JADE3: variants seen among roughly 807,000 people sequenced by gnomAD.
The protein encoded by JADE3 is jade family PHD finger 3, also known as protein Jade-3.
Under a neutral mutation model 50.1 loss-of-function variants are expected in JADE3, and 2 were observed. That is an observed-to-expected ratio of 0.04 (90% CI 0.02 to 0.13). The LOEUF (loss-of-function observed/expected upper bound fraction) is 0.13, where lower values mean the gene tolerates loss of function less well. JADE3 is among the 10% of genes least tolerant of loss of function. The probability of loss-of-function intolerance (pLI) is 1.00; values close to 1 mark genes in which losing one functional copy is unlikely to be tolerated. For missense variants in JADE3, 475 were observed against 634.4 expected (o/e 0.75, Z 2.70); for synonymous variants, 218 against 232.9 (o/e 0.94, Z 0.58).
chrX:47,002,188 T>A (rs1445233951), intron 4 of JADE3, among the ~76,000 whole-genome samples: 1 of 111,363 alleles, frequency 9.0e-6, no homozygotes, highest in East Asian at 2.8e-4. Context: ...TTCACTTAGC[T>A]CTATGTCTCA....
At chrX:46,957,139 A>T (rs782731147) in intron 1 of JADE3, among the ~76,000 whole-genome samples, 2 of 111,329 alleles carry the variant, frequency 1.8e-5, no homozygotes, top group Non-Finnish European at 3.8e-5. Context: ...GGACTAAAAC[A>T]TTACAGAAAT....
chrX:46,938,940 G>A (rs1384098563), intron 1 of JADE3, among the ~76,000 whole-genome samples: 2 of 112,331 alleles, frequency 1.8e-5, no homozygotes, highest in Non-Finnish European at 3.8e-5. Context: ...TGATTCTCCT[G>A]TCTCTGCCTC....
chrX:47,042,354 G>T (rs1602420250), intron 8 of JADE3, among the ~76,000 whole-genome samples: 1 of 111,528 alleles, frequency 9.0e-6, no homozygotes. Flanking sequence ...AGTTTTATCT[G>T]CCCTAGTAGA....
intron 6 of JADE3, among the ~76,000 whole-genome samples, chrX:47,030,500 T>C (rs978713931): frequency 9.0e-5 from 10 of 111,730 alleles, no homozygotes; most frequent in African/African-American, 2.9e-4. Flanking sequence ...TCTAAAGAGA[T>C]ACTTGGCTTA....
chrX:47,012,436 C>T (rs1310568120), intron 4 of JADE3, among the ~76,000 whole-genome samples: 1 of 110,537 alleles, frequency 9.0e-6, no homozygotes, highest in Non-Finnish European at 1.9e-5. Flanking sequence ...AAAAAATTAG[C>T]TAGCCATGGT....
At chrX:46,997,687 A>G (rs1381902627) in intron 3 of JADE3, among the ~76,000 whole-genome samples, 1 of 112,196 alleles carries the variant, frequency 8.9e-6, no homozygotes, top group African/African-American at 3.2e-5. Context: ...AACTAAGTGA[A>G]GGATATATGG....
At chrX:46,935,189 C>T (rs1313911729) in intron 1 of JADE3, among the ~76,000 whole-genome samples, 1 of 111,903 alleles carries the variant, frequency 8.9e-6, no homozygotes, top group African/African-American at 3.3e-5. Context: ...CTGCTTCAAC[C>T]TCCCAAAGTG....
chrX:46,997,768 G>A (rs570616518), intron 3 of JADE3, among the ~76,000 whole-genome samples: 1 of 111,931 alleles, frequency 8.9e-6, no homozygotes, highest in South Asian at 3.7e-4. Context: ...ATGAAATGAT[G>A]CCCAAATAAT....
intron 1 of JADE3, among the ~76,000 whole-genome samples, chrX:46,929,082 G>A (rs1219547920): frequency 8.9e-6 from 1 of 111,956 alleles, no homozygotes; most frequent in Non-Finnish European, 1.9e-5. Flanking sequence ...GTAGATTGCA[G>A]ACAGCTCTTC....
Position 47,000,946 on chromosome X carries a change from T to A in JADE3, c.284+2669T>A, listed in dbSNP as rs185222070. 5.3e-3 allele frequency among the ~76,000 whole-genome samples: 598 copies of A among 112,155 alleles called. 2 individuals are homozygous for A. Among genetic ancestry groups the A allele is most frequent in the South Asian group, 0.024 (65 of 2,708 alleles). ...ATTCATGTGTGGCTTCAGTGCTCTA[T>A]TATTTGTTCCGAGGGCTTCACATAT... On this transcript the variant is annotated intron_variant, in intron 4 of 10. Transcript: ENST00000614628.
chrX:46,979,397 A>G (rs1319529865), intron 1 of JADE3, among the ~76,000 whole-genome samples: 9 of 111,741 alleles, frequency 8.1e-5, no homozygotes, highest in East Asian at 5.6e-4. Context: ...GTCTTCTGAA[A>G]CTCTCAGGGA....
intron 1 of JADE3, among the ~76,000 whole-genome samples, chrX:46,939,935 C>T (rs1926716941): frequency 8.9e-6 from 1 of 111,972 alleles, no homozygotes; most frequent in South Asian, 3.7e-4. Flanking sequence ...TTTCAGTGTC[C>T]ATAAGTCAAA....
chrX:46,974,419 T>C (rs1450103829), intron 1 of JADE3, among the ~76,000 whole-genome samples: 4 of 110,133 alleles, frequency 3.6e-5, no homozygotes, highest in Non-Finnish European at 3.8e-5. Flanking sequence ...AAAAAAAGTT[T>C]GGGAGGTTCT....
chrX:47,030,242 G>A lies in JADE3; in HGVS notation c.687+2139G>A, dbSNP rs782781149. Among the ~76,000 whole-genome samples, 3 of 111,469 alleles carry A rather than the reference G, an allele frequency of 2.7e-5. No homozygotes were observed. The South Asian group carries it at 1.1e-3, about 42-fold the overall frequency. ...TGTCCTTTACAGTTGGGACAAAATAGTAAGTATTCTCAGGTTCTTTAACAA... is the reference window on the plus strand; with the variant it reads ...TGTCCTTTACAGTTGGGACAAAATAATAAGTATTCTCAGGTTCTTTAACAA... On this transcript the variant is annotated intron_variant, in intron 6 of 10. Transcript: ENST00000614628.
chrX:46,972,782 T>C (rs1927528103), intron 1 of JADE3, among the ~76,000 whole-genome samples: 1 of 111,590 alleles, frequency 9.0e-6, no homozygotes, highest in Non-Finnish European at 1.9e-5. Context: ...GTATTTTTAG[T>C]AGAGAGGGGA....
At chrX:46,941,526 T>C (rs1213796306) in intron 1 of JADE3, among the ~76,000 whole-genome samples, 1 of 111,739 alleles carries the variant, frequency 8.9e-6, no homozygotes, top group East Asian at 2.8e-4. Context: ...CCATCAACAG[T>C]GTCTAAGTTC....
intron 1 of JADE3, among the ~76,000 whole-genome samples, chrX:46,923,393 C>CTTTTTTTGTTTTTTTTT (rs1926275353): frequency 8.7e-5 from 1 of 11,525 alleles, no homozygotes. Flanking sequence ...CTCTCTCTCT[C>CTTTTTTTGTTTTTTTTT]TTTTTTTTTT....
intron 1 of JADE3, among the ~76,000 whole-genome samples, chrX:46,982,867 C>T: frequency 9.0e-6 from 1 of 110,831 alleles, no homozygotes; most frequent in South Asian, 3.9e-4. Flanking sequence ...TCACTCTTGT[C>T]GCCCAGGCTG....
chrX:47,041,312 T>C (rs1272276377), intron 8 of JADE3, among the ~76,000 whole-genome samples: 1 of 112,029 alleles, frequency 8.9e-6, no homozygotes, highest in Non-Finnish European at 1.9e-5. Flanking sequence ...CATTTTTCAG[T>C]TATTGGTCAT....
Sources: gnomAD v4.1 joint callset for allele counts (sites outside exome capture counted in the v4.1 genomes callset) on GRCh38, gnomAD v4.1.1 for gene constraint, MANE v1.5 for transcripts, NCBI Gene and HGNC (gene_info 2026-07-23, HGNC 2026-07-21) for gene names.